Variants in TSBP1 observed in about 807,000 individuals in gnomAD.
The protein encoded by TSBP1 is testis-expressed basic protein 1.
In TSBP1, 56 loss-of-function variants were observed where a neutral mutation model predicts 68.8. That is an observed-to-expected ratio of 0.81 (90% CI 0.66 to 1.02). The LOEUF is 1.02. TSBP1 is among the 50% of genes least tolerant of loss of function. The pLI is 0.00. For missense variants in TSBP1, 502 were observed against 641.2 expected (o/e 0.78, Z 2.34); for synonymous variants, 171 against 208.7 (o/e 0.82, Z 1.56).
Position 32,316,457 on chromosome 6 carries a change from A to G in TSBP1, c.560-665T>C. Reference sequence around the variant, plus strand: ...CAGTGAAGATTTGTTTGAAAGGAGCAAGTTTCCTTCTAGGGAGAGATATTT... The same window carrying G: ...CAGTGAAGATTTGTTTGAAAGGAGCGAGTTTCCTTCTAGGGAGAGATATTT... On this transcript the variant is annotated intron_variant, in intron 18 of 22. Coordinates refer to ENST00000612031, the Ensembl canonical transcript of TSBP1. The surrounding 1 kb of genome is among the most constrained non-coding windows in gnomAD (Gnocchi z 4.5). The G allele has an allele frequency of 6.5e-7, 1 of 1,526,954 alleles. No homozygotes were observed. The allele number at this position is 1,526,954 out of a possible 1,614,324, so 94.6% of individuals were successfully genotyped here.
chr6:32,341,035 ATCCCC>A (rs1770282924), intron 9 of TSBP1, among the ~76,000 whole-genome samples: 1 of 152,082 alleles, frequency 6.6e-6, no homozygotes, highest in African/African-American at 2.4e-5. Flanking sequence ...GCCTTGAGTG[ATCCCC>A]TCACCTCGGC....
chr6:32,319,995 G>T (rs1189553011), intron 18 of TSBP1, among the ~76,000 whole-genome samples: 2 of 152,050 alleles, frequency 1.3e-5, no homozygotes, highest in Non-Finnish European at 1.5e-5. Flanking sequence ...GTCTTCTTCA[G>T]ATTGCTCTAG....
At chr6:32,356,593 G>T (rs935146713) in intron 6 of TSBP1, among the ~76,000 whole-genome samples, 1 of 152,028 alleles carries the variant, frequency 6.6e-6, no homozygotes, top group Non-Finnish European at 1.5e-5. Flanking sequence ...GGTGGTACAC[G>T]CCTGTAATCC....
chr6:32,365,795 C>T lies in TSBP1; in HGVS notation c.217+372G>A, dbSNP rs1773633517. On this transcript the variant is annotated intron_variant, in intron 6 of 22. Transcript: ENST00000612031. The surrounding 1 kb of genome is among the most constrained non-coding windows in gnomAD (Gnocchi z 4.3). ...TCTGTTCTAGGATTTTATAACCTGA[C>T]AGCGTGCTGGAACTTCTCTGCTGGA... is the stretch of plus-strand genomic sequence containing the variant. The T allele has an allele frequency of 2.5e-6, 1 of 403,844 alleles. No homozygotes were observed. Among genetic ancestry groups the T allele is most frequent in the African/African-American group, 2.1e-5 (1 of 48,338 alleles). 25.0% of individuals were successfully genotyped at this position (403,844 alleles called of 1,614,324 possible).
At chr6:32,360,382 T>TTGTGTGTGTG (rs9279600) in intron 6 of TSBP1, among the ~76,000 whole-genome samples, 1 of 150,930 alleles carries the variant, frequency 6.6e-6, no homozygotes, top group Non-Finnish European at 1.5e-5. Context: ...TAATATTTCA[T>TTGTGTGTGTG]TGTGTGTGTG....
chr6:32,323,000 AG>A (rs1386738738), intron 18 of TSBP1, 116 bp downstream of exon 19: 1 of 713,254 alleles, frequency 1.4e-6, no homozygotes, highest in Non-Finnish European at 2.4e-6. Context: ...AAAAAATTAT[AG>A]GGCAAGCAGG....
chr6:32,346,272 C>A lies in TSBP1; in HGVS notation c.349+3468G>T, dbSNP rs1770985609. On this transcript the variant is annotated intron_variant, in intron 9 of 22. Coordinates refer to ENST00000612031, the Ensembl canonical transcript of TSBP1. ...CCTCATGATCCACCCGCCTCGGCCT[C>A]CCAAAGTGCTGGGATTACAGGCGTG... Among the ~76,000 whole-genome samples, 2 of 9,390 alleles carry A rather than the reference C, an allele frequency of 2.1e-4. 1 individual carries two copies. The allele number at this position is 9,390 out of a possible 152,430, so 6.2% of individuals were successfully genotyped here.
At position 32,336,750 on chromosome 6, in the gene TSBP1, G is replaced by T; in HGVS notation, c.410-115C>A. On this transcript the variant is annotated intron_variant, in intron 11 of 22. Transcript: ENST00000612031. This position sits in a 1 kb window ranked among gnomAD's most constrained non-coding sequence, Gnocchi z 5.2. ...CAACCAGAGGAGAACAACTACTGTG[G>T]GACTGCAGATGATCTTAGCCTGGAA... 1 of 870,034 alleles carries T rather than the reference G, an allele frequency of 1.1e-6. No individual in the cohort carries two copies. The allele number at this position is 870,034 out of a possible 1,614,324, so 53.9% of individuals were successfully genotyped here. A position where few individuals can be genotyped will look rare whatever the true frequency, so the allele number is the denominator to read the frequency against.
intron 6 of TSBP1, 77 bp from the exon 7 acceptor site, chr6:32,355,746 T>G: frequency 1.3e-6 from 2 of 1,504,014 alleles, no homozygotes; most frequent in South Asian, 1.3e-5. Context: ...TACAGAGGAT[T>G]ACCCAATCAA....
chr6:32,330,002 CCTAT>C (rs1296717308), intron 16 of TSBP1, among the ~76,000 whole-genome samples: 4 of 147,318 alleles, frequency 2.7e-5, no homozygotes, highest in Admixed American at 7.1e-5. Flanking sequence ...GGTGCTCTGT[CCTAT>C]CTTTCTTTTC....
chr6:32,371,712 A>T lies in TSBP1; in HGVS notation c.-6T>A. The T allele has an allele frequency of 6.2e-7, 1 of 1,613,772 alleles. No individual in the cohort carries two copies. ...TCCATACCCAAGACTGTCATTTTCC[A>T]TGTATTGTCTTCATCAGGTCTCGCA... On this transcript the variant is annotated 5_prime_UTR_variant, in exon 1 of 23. It removes an upstream start codon present in the reference 5' UTR. Transcript: ENST00000612031.
At chr6:32,362,013 G>A (rs1773080414) in intron 6 of TSBP1, among the ~76,000 whole-genome samples, 2 of 152,008 alleles carry the variant, frequency 1.3e-5, no homozygotes, top group African/African-American at 2.4e-5. Context: ...GGAACGGGCC[G>A]GGCGCGGTGG....
chr6:32,315,704 G>T lies in TSBP1; in HGVS notation c.580+68C>A. 1 of 1,012,222 alleles carries T rather than the reference G, an allele frequency of 9.9e-7. No individual in the cohort carries two copies. Among genetic ancestry groups the T allele is most frequent in the Non-Finnish European group, 1.4e-6 (1 of 708,412 alleles). 62.7% of individuals were successfully genotyped at this position (1,012,222 alleles called of 1,614,324 possible). On this transcript the variant is annotated intron_variant, in intron 19 of 22. Coordinates refer to ENST00000612031, the Ensembl canonical transcript of TSBP1. This position sits in a 1 kb window ranked among gnomAD's most constrained non-coding sequence, Gnocchi z 5.4. ...GAGAAATATGAGTCTCAATCTTTTG[G>T]ATACTTAGAAGTGGAAACATCTAAC...
intron 15 of TSBP1, 26 bp from the exon 17 acceptor site, chr6:32,330,635 A>AACACACACACACACACAC (rs9279582): frequency 1.6e-5 from 18 of 1,134,672 alleles, no homozygotes; most frequent in Admixed American, 2.3e-5. Context: ...AAACAAATTA[A>AACACACACACACACACAC]ACACACACAC....
At chr6:32,368,724 G>A in intron 3 of TSBP1, 58 bp downstream of exon 3, 1 of 1,501,244 alleles carries the variant, frequency 6.7e-7, no homozygotes, top group Non-Finnish European at 9.1e-7. Context: ...TTTCTTTCCT[G>A]ACTTGTGAAA....
At chr6:32,352,016 C>G (rs1359308275) in intron 8 of TSBP1, among the ~76,000 whole-genome samples, 1 of 151,954 alleles carries the variant, frequency 6.6e-6, no homozygotes, top group Non-Finnish European at 1.5e-5. Flanking sequence ...CTATACCTAG[C>G]TAAATTTTCA....
At position 32,321,235 on chromosome 6, in the gene TSBP1, C is replaced by CA. The variant is rs554057508; in HGVS notation, c.559+1881dup. Among the ~76,000 whole-genome samples the CA allele has an allele frequency of 4.6e-3, 704 of 152,080 alleles. 5 individuals are homozygous for CA. The highest frequency in any genetic ancestry group is 6.1e-3 in the Non-Finnish European group (411 of 67,914). ...ATTGGCCAGCCAACACTTAGCTATCCAAAAAGCAGGTGGTATAATCCCTAG... is the reference window on the plus strand; with the variant it reads ...ATTGGCCAGCCAACACTTAGCTATCCAAAAAAGCAGGTGGTATAATCCCTAG... On this transcript the variant is annotated intron_variant, in intron 18 of 22. Coordinates refer to ENST00000612031, the Ensembl canonical transcript of TSBP1. This position sits in a 1 kb window ranked among gnomAD's most constrained non-coding sequence, Gnocchi z 4.3.
intron 16 of TSBP1, chr6:32,324,696 G>A (rs1416235331): frequency 6.4e-7 from 1 of 1,550,450 alleles, no homozygotes; most frequent in Non-Finnish European, 8.7e-7. Flanking sequence ...AACAAGCAAA[G>A]ATACTTTTTG....
In TSBP1 at chr6:32,335,355, G is replaced by A; in HGVS notation, c.472+82C>T. Reference sequence around the variant, plus strand: ...AAGGACTTGATCCTTGAGTCCTTGGGCATGAATAATTGAAATAAAAATAGA... The same window carrying A: ...AAGGACTTGATCCTTGAGTCCTTGGACATGAATAATTGAAATAAAAATAGA... On this transcript the variant is annotated intron_variant, in intron 14 of 22. Transcript: ENST00000612031. This position sits in a 1 kb window ranked among gnomAD's most constrained non-coding sequence, Gnocchi z 5.5. 2 of 1,321,754 alleles carry A rather than the reference G, an allele frequency of 1.5e-6. No homozygotes were observed. Among genetic ancestry groups the A allele is most frequent in the Non-Finnish European group, 2.0e-6 (2 of 990,928 alleles). 81.9% of individuals were successfully genotyped at this position (1,321,754 alleles called of 1,614,324 possible). A position where few individuals can be genotyped will look rare whatever the true frequency, so the allele number is the denominator to read the frequency against.
Sources: allele counts gnomAD v4.1 joint callset (sites outside exome capture counted in the v4.1 genomes callset), GRCh38; gene constraint gnomAD v4.1.1; non-coding constraint Gnocchi (gnomAD v3.1); transcripts MANE v1.5; gene names NCBI Gene and HGNC (gene_info 2026-07-23, HGNC 2026-07-21).